Variants in UNC13C observed in about 807,000 individuals in gnomAD.
The protein encoded by UNC13C is protein unc-13 homolog C.
UNC13C carries 174 observed loss-of-function variants against 245.4 expected under a neutral mutation model. The ratio of observed to expected loss-of-function variants is 0.71; its 90% CI spans 0.63 to 0.80. The LOEUF (loss-of-function observed/expected upper bound fraction) is 0.80, where lower values mean the gene tolerates loss of function less well. Ranked by LOEUF, UNC13C falls within the 30% of genes least tolerant of loss-of-function variation. The pLI is 0.00. For missense variants in UNC13C, 2,829 were observed against 2,602.9 expected (o/e 1.09, Z -1.89); for synonymous variants, 992 against 895.1 (o/e 1.11, Z -1.93).
At chr15:54,166,677 T>G (rs1419141297) in intron 4 of UNC13C, among the ~76,000 whole-genome samples, 3 of 152,264 alleles carry the variant, frequency 2.0e-5, no homozygotes, top group African/African-American at 7.2e-5. Context: ...AAGGTTAATA[T>G]ATCAAAATCA....
chr15:54,567,375 G>A (rs17818572), intron 29 of UNC13C, among the ~76,000 whole-genome samples: 1 of 152,036 alleles, frequency 6.6e-6, no homozygotes, highest in African/African-American at 2.4e-5. Context: ...TCTCAAACTG[G>A]TATCTGGAAA....
At chr15:54,567,045 A>T (rs1185442421) in intron 29 of UNC13C, among the ~76,000 whole-genome samples, 1 of 152,072 alleles carries the variant, frequency 6.6e-6, no homozygotes. Context: ...TCTATCATAT[A>T]TCTCTAGACA....
intron 18 of UNC13C, among the ~76,000 whole-genome samples, chr15:54,402,590 T>C (rs999776005): frequency 1.3e-5 from 2 of 152,272 alleles, no homozygotes; most frequent in African/African-American, 4.8e-5. Flanking sequence ...CCATGGGGAA[T>C]TAGCTGGAGA....
chr15:54,012,873 G>T lies in UNC13C; in HGVS notation c.-31G>T. 1 of 1,507,722 alleles carries T rather than the reference G, an allele frequency of 6.6e-7. No individual in the cohort carries two copies. The highest frequency in any genetic ancestry group is 1.3e-5 in the South Asian group (1 of 76,990). 93.4% of individuals were successfully genotyped at this position (1,507,722 alleles called of 1,614,324 possible). A position where few individuals can be genotyped will look rare whatever the true frequency, so the allele number is the denominator to read the frequency against. On this transcript the variant is annotated 5_prime_UTR_variant, in exon 2 of 33. Coordinates refer to ENST00000260323, the MANE Select transcript of UNC13C (RefSeq NM_001080534.3). The stretch of plus-strand genomic sequence containing the variant: ...CATCCTGATACTTGTTTACTTTTCT[G>T]GGGCAGAAAAGCTTGCACTAATTGC...
At chr15:54,424,997 G>A (rs1034618955) in intron 19 of UNC13C, among the ~76,000 whole-genome samples, 1 of 151,824 alleles carries the variant, frequency 6.6e-6, no homozygotes, top group African/African-American at 2.4e-5. Flanking sequence ...GCTTCAAAAT[G>A]TGTCCTGATA....
chr15:53,849,809 A>G, the UNC13C span, among the ~76,000 whole-genome samples: 1 of 152,144 alleles, frequency 6.6e-6, no homozygotes, highest in Non-Finnish European at 1.5e-5. Flanking sequence ...GACATTGGCA[A>G]CTAAGGGCTC....
At chr15:54,614,964 T>C (rs1053374186) in intron 30 of UNC13C, among the ~76,000 whole-genome samples, 14 of 152,082 alleles carry the variant, frequency 9.2e-5, no homozygotes, top group African/African-American at 3.4e-4. Flanking sequence ...GAAGATAGTA[T>C]CTTTTTCTTG....
intron 24 of UNC13C, among the ~76,000 whole-genome samples, chr15:54,517,351 G>C (rs147387514): frequency 2.0e-5 from 3 of 152,070 alleles, no homozygotes; most frequent in African/African-American, 7.2e-5. Flanking sequence ...AAAGTTCTTC[G>C]TATTTAGTTA....
At chr15:54,468,545 C>T (rs1233640517) in intron 19 of UNC13C, among the ~76,000 whole-genome samples, 2 of 151,574 alleles carry the variant, frequency 1.3e-5, no homozygotes, top group Admixed American at 6.6e-5. Context: ...TGAAGATTTT[C>T]CCCTGTGTTT....
chr15:54,442,921 T>C (rs1257474293), intron 19 of UNC13C, among the ~76,000 whole-genome samples: 5 of 152,172 alleles, frequency 3.3e-5, no homozygotes, highest in African/African-American at 1.2e-4. Context: ...GGGGTAATTC[T>C]GGCCCCATAG....
At chr15:53,889,183 G>T in the UNC13C span, among the ~76,000 whole-genome samples, 2 of 152,158 alleles carry the variant, frequency 1.3e-5, no homozygotes, top group Non-Finnish European at 2.9e-5. Context: ...CTATCTATGA[G>T]CATGGAATGT....
At chr15:54,494,847 GAAATTTCC>G in intron 20 of UNC13C, 113 bp downstream of exon 20, 3 of 1,263,146 alleles carry the variant, frequency 2.4e-6, no homozygotes, top group Non-Finnish European at 3.3e-6. Context: ...TTGGAATGCA[GAAATTTCC>G]ATTATGAAGT....
intron 19 of UNC13C, among the ~76,000 whole-genome samples, chr15:54,455,205 C>CTCTATATATATATATATATATA (rs1388065398): frequency 5.3e-5 from 1 of 18,962 alleles, no homozygotes; most frequent in African/African-American, 1.9e-4. Context: ...CTCTCTCTCT[C>CTCTATATATATATATATATATA]TATATATATA....
chr15:54,320,298 G>A (rs1332919519), intron 13 of UNC13C, among the ~76,000 whole-genome samples: 1 of 151,940 alleles, frequency 6.6e-6, no homozygotes, highest in African/African-American at 2.4e-5. Context: ...GTTGCTTTCC[G>A]ATGGTGCTAA....
rs369866274 is a variant in UNC13C, at chr15:54,061,424, G to A, written c.2983+45538G>A. Among the ~76,000 whole-genome samples, 515 of 152,250 alleles carry A rather than the reference G, an allele frequency of 3.4e-3. 4 individuals carry two copies. Among genetic ancestry groups the A allele is most frequent in the African/African-American group, 0.012 (482 of 41,554 alleles). The stretch of plus-strand genomic sequence containing the variant: ...AAGAAACACCTCTTTGCTCTTGGAA[G>A]CTTGCCTCCTTTTTTCCCTGGACCA... On this transcript the variant is annotated intron_variant, in intron 2 of 32. Coordinates refer to ENST00000260323, the MANE Select transcript of UNC13C (RefSeq NM_001080534.3).
intron 4 of UNC13C, among the ~76,000 whole-genome samples, chr15:54,144,689 T>C (rs751295152): frequency 6.6e-6 from 1 of 152,206 alleles, no homozygotes; most frequent in Non-Finnish European, 1.5e-5. Flanking sequence ...TGCCAAATTT[T>C]CTACTTTATT....
chr15:54,119,256 T>C (rs1567028188), intron 2 of UNC13C, among the ~76,000 whole-genome samples: 1 of 152,156 alleles, frequency 6.6e-6, no homozygotes, highest in Non-Finnish European at 1.5e-5. Flanking sequence ...ATTGAGCAAG[T>C]GGTTAGGCAA....
At chr15:53,857,064 G>A in the UNC13C span, among the ~76,000 whole-genome samples, 1 of 151,990 alleles carries the variant, frequency 6.6e-6, no homozygotes, top group Non-Finnish European at 1.5e-5. Context: ...CCAAAGTGCT[G>A]GGATTAGAGG....
chr15:54,471,214 A>G (rs1052430155), intron 19 of UNC13C, among the ~76,000 whole-genome samples: 1 of 151,390 alleles, frequency 6.6e-6, no homozygotes, highest in African/African-American at 2.4e-5. Context: ...TATGTGTGTT[A>G]TGTCTGTTAT....
Sources: gnomAD v4.1 joint callset for allele counts (sites outside exome capture counted in the v4.1 genomes callset) on GRCh38, gnomAD v4.1.1 for gene constraint, MANE v1.5 for transcripts, NCBI Gene and HGNC (gene_info 2026-07-23, HGNC 2026-07-21) for gene names.